SAMMSON: variants seen among roughly 807,000 people sequenced by gnomAD.
SAMMSON encodes survival associated mitochondrial melanoma specific oncogenic non-coding RNA, also known as long intergenic non-protein coding RNA 1212.
At chr3:70,283,629 G>T (rs13317022) in intron 6 of SAMMSON, 9,648 of 151,978 alleles carry the variant, frequency 0.063, 861 homozygotes, top group East Asian at 0.48. Context: ...GCAGATTAAA[G>T]GGATTCATGC....
At chr3:70,263,621 T>G (rs1701888231) in intron 6 of SAMMSON, among the ~76,000 whole-genome samples, 1 of 152,182 alleles carries the variant, frequency 6.6e-6, no homozygotes, top group Non-Finnish European at 1.5e-5. Flanking sequence ...ACTTCACACA[T>G]GTAGATGGTA....
intron 4 of SAMMSON, among the ~76,000 whole-genome samples, chr3:70,202,986 C>G (rs1363304600): frequency 4.6e-5 from 7 of 152,100 alleles, no homozygotes; most frequent in African/African-American, 1.7e-4. Context: ...AACTTTGGGT[C>G]TTGTCACCTT....
chr3:70,258,927 A>C (rs1357816025), intron 6 of SAMMSON, among the ~76,000 whole-genome samples: 1 of 152,092 alleles, frequency 6.6e-6, no homozygotes, highest in African/African-American at 2.4e-5. Context: ...TTCACAGTGA[A>C]TCTCTTATTT....
chr3:70,351,359 G>A lies in SAMMSON; in HGVS notation n.740-2816G>A, dbSNP rs142943399. 1.9e-3 allele frequency among the ~76,000 whole-genome samples: 288 copies of A among 152,132 alleles called. 1 individual carries two copies. In the Middle Eastern group the frequency reaches 0.02, roughly 11 times the overall value. ...GGGAGAAGTGTGGGATTTTTGCAAG[G>A]TTCTATAGTAAAAAAGATAAAGAAC... is the stretch of plus-strand genomic sequence containing the variant. On this transcript the variant is annotated intron_variant and non_coding_transcript_variant, in intron 7 of 9. Transcript: ENST00000642114.
At chr3:70,423,180 C>T (rs1701325856) in intron 2 of SAMMSON, among the ~76,000 whole-genome samples, 1 of 151,914 alleles carries the variant, frequency 6.6e-6, no homozygotes, top group Non-Finnish European at 1.5e-5. Context: ...AAGAAAGAGC[C>T]AGAAAGGGAA....
chr3:70,296,806 G>T (rs79437179), intron 7 of SAMMSON, among the ~76,000 whole-genome samples: 139 of 152,080 alleles, frequency 9.1e-4, no homozygotes, highest in Non-Finnish European at 1.7e-3. Flanking sequence ...CTACTCTTCA[G>T]CCCACACTGT....
intron 6 of SAMMSON, among the ~76,000 whole-genome samples, chr3:70,255,073 G>A (rs1392289566): frequency 1.3e-5 from 2 of 152,076 alleles, no homozygotes; most frequent in Admixed American, 1.3e-4. Context: ...GAGAAACGCA[G>A]GTAAAACCTG....
intron 3 of SAMMSON, among the ~76,000 whole-genome samples, chr3:70,059,404 GA>G (rs2067179435): frequency 6.6e-6 from 1 of 152,024 alleles, no homozygotes; most frequent in South Asian, 2.1e-4. Context: ...GAATTCCCAT[GA>G]TCTGCCATCT....
intron 3 of SAMMSON, among the ~76,000 whole-genome samples, chr3:70,016,606 C>A (rs2066986939): frequency 6.6e-6 from 1 of 152,100 alleles, no homozygotes; most frequent in Non-Finnish European, 1.5e-5. Context: ...TCCCATTTGT[C>A]AATTTTGGCT....
chr3:70,342,718 T>G (rs1374656208), intron 7 of SAMMSON, among the ~76,000 whole-genome samples: 1 of 152,208 alleles, frequency 6.6e-6, no homozygotes, highest in Non-Finnish European at 1.5e-5. Flanking sequence ...ATTAAACCAA[T>G]GGCCAAGGGA....
At chr3:70,275,288 C>T (rs534448543) in intron 6 of SAMMSON, among the ~76,000 whole-genome samples, 3 of 152,036 alleles carry the variant, frequency 2.0e-5, no homozygotes, top group South Asian at 2.1e-4. Context: ...TTTGGCAGGC[C>T]GAGGCAGGAG....
intron 4 of SAMMSON, chr3:70,205,188 A>G (rs887226650): frequency 6.6e-6 from 1 of 152,004 alleles, no homozygotes; most frequent in African/African-American, 2.4e-5. Flanking sequence ...TGGTCTCTGG[A>G]TTTTCTTGGA....
chr3:70,182,320 C>A (rs971461003), intron 4 of SAMMSON, among the ~76,000 whole-genome samples: 1 of 152,142 alleles, frequency 6.6e-6, no homozygotes, highest in Non-Finnish European at 1.5e-5. Flanking sequence ...GTTTTCCACT[C>A]GGCACCAAAT....
intron 9 of SAMMSON, among the ~76,000 whole-genome samples, chr3:70,381,235 CT>C (rs1355290052): frequency 6.6e-6 from 1 of 152,148 alleles, no homozygotes; most frequent in African/African-American, 2.4e-5. Flanking sequence ...TGCCTTTCCC[CT>C]GTGAGCTGTA....
chr3:70,021,040 G>A (rs569446848), intron 3 of SAMMSON, among the ~76,000 whole-genome samples: 2 of 152,186 alleles, frequency 1.3e-5, no homozygotes, highest in East Asian at 3.9e-4. Context: ...CTTCAAGAAC[G>A]GAGTTAAATG....
intron 7 of SAMMSON, among the ~76,000 whole-genome samples, chr3:70,314,577 A>T (rs576162664): frequency 6.6e-6 from 1 of 152,290 alleles, no homozygotes; most frequent in African/African-American, 2.4e-5. Context: ...AAGGAAATTT[A>T]AGGCAAAAAT....
chr3:70,199,612 G>A (rs1417443509), intron 4 of SAMMSON, among the ~76,000 whole-genome samples: 1 of 152,130 alleles, frequency 6.6e-6, no homozygotes, highest in East Asian at 1.9e-4. Context: ...TAAAAGGCAT[G>A]TTAAATAGTT....
chr3:70,039,064 A>G (rs2067096719), intron 3 of SAMMSON, among the ~76,000 whole-genome samples: 1 of 152,136 alleles, frequency 6.6e-6, no homozygotes, highest in South Asian at 2.1e-4. Context: ...ACAGACAGAG[A>G]GAGAAAGAAA....
intron 3 of SAMMSON, among the ~76,000 whole-genome samples, chr3:70,016,832 A>G (rs374773880): frequency 3.2e-4 from 48 of 152,156 alleles, no homozygotes; most frequent in Middle Eastern, 3.4e-3. Context: ...AGCACCATTT[A>G]TTAAATAGGG....
Sources: gnomAD v4.1 joint callset for allele counts (sites outside exome capture counted in the v4.1 genomes callset) on GRCh38, gnomAD v4.1.1 for gene constraint, MANE v1.5 for transcripts, NCBI Gene and HGNC (gene_info 2026-07-23, HGNC 2026-07-21) for gene names.